MTOR: variants seen among roughly 807,000 people sequenced by gnomAD.
The protein encoded by MTOR is serine/threonine-protein kinase mTOR.
Under a neutral mutation model 319.8 loss-of-function variants are expected in MTOR, and 70 were observed. The ratio of observed to expected loss-of-function variants is 0.22; its 90% CI spans 0.18 to 0.27. The LOEUF (loss-of-function observed/expected upper bound fraction) is 0.27. Among genes scored for constraint, MTOR ranks in the 10% least tolerant of loss-of-function variants. MTOR has a pLI of 1.00. For missense variants in MTOR, 1,890 were observed against 3,274.4 expected (o/e 0.58, Z 10.32); for synonymous variants, 1,183 against 1,211.4 (o/e 0.98, Z 0.49).
At chr1:11,248,673 C>T (rs897415703) in intron 6 of MTOR, among the ~76,000 whole-genome samples, 7 of 151,890 alleles carry the variant, frequency 4.6e-5, no homozygotes, top group African/African-American at 9.7e-5. Context: ...ATTAGCTGGG[C>T]GTGGTGGTGG....
Position 11,127,072 on chromosome 1 carries a change from G to A in MTOR, c.6289C>T (p.Leu2097Phe), listed in dbSNP as rs2100401809. Residue 2097 changes from leucine (L) to phenylalanine (F), a missense_variant, in exon 45 of 58, where the codon CTC (leucine) becomes TTC (phenylalanine). Transcript: ENST00000361445. This position sits in a 1 kb window ranked among gnomAD's most constrained non-coding sequence, Gnocchi z 5.5. ...KYMKSGNVKD[L>F]TQAWDLYYHV... ...TAATAGAGGTCCCAGGCTTGGGTGAGGTCCTTGACATTCCCTGATTTCATG... is the reference window on the plus strand; with the variant it reads ...TAATAGAGGTCCCAGGCTTGGGTGAAGTCCTTGACATTCCCTGATTTCATG... The A allele has an allele frequency of 2.5e-6, 4 of 1,614,160 alleles. No individual in the cohort carries two copies. Among genetic ancestry groups the A allele is most frequent in the Non-Finnish European group, 3.4e-6 (4 of 1,180,038 alleles).
In MTOR at chr1:11,107,307, T is replaced by G. The variant is rs1557732813; in HGVS notation, c.*178A>C. On this transcript the variant is annotated 3_prime_UTR_variant, in exon 58 of 58. Coordinates refer to ENST00000361445, the MANE Select transcript of MTOR (RefSeq NM_004958.4). ...CCTTGTGTTTCTGACAATATATTCT[T>G]CAACAGCAGCTAGAAAGTTGGTTCA... 6 of 1,481,364 alleles carry G rather than the reference T, an allele frequency of 4.1e-6. No homozygotes were observed. The highest frequency in any genetic ancestry group is 4.5e-6 in the Non-Finnish European group (5 of 1,117,760). The allele number at this position is 1,481,364 out of a possible 1,614,324, so 91.8% of individuals were successfully genotyped here. A position where few individuals can be genotyped will look rare whatever the true frequency, so the allele number is the denominator to read the frequency against.
At position 11,178,327 on chromosome 1, in the gene MTOR, A is replaced by AT. The variant is rs1286995481; in HGVS notation, c.4254-10811dup. Among the ~76,000 whole-genome samples, 4 of 152,328 alleles carry AT rather than the reference A, an allele frequency of 2.6e-5. No individual in the cohort carries two copies. In the East Asian group the frequency reaches 7.7e-4, roughly 29 times the overall value. ...CCCAGGTACCTTAGCACAACCCAGA[A>AT]TAAGGCAGAGAGAGGTGCACAACCC... On this transcript the variant is annotated intron_variant, in intron 28 of 57. Coordinates refer to ENST00000361445, the MANE Select transcript of MTOR (RefSeq NM_004958.4).
At chr1:11,114,790 G>A (rs1642076945) in intron 52 of MTOR, 23 bp downstream of exon 52, 5 of 1,610,506 alleles carry the variant, frequency 3.1e-6, no homozygotes, top group Non-Finnish European at 4.2e-6. Flanking sequence ...TTTGGAAGCA[G>A]CTCGTTCCCG....
At chr1:11,140,761 G>A (rs1316689335) in intron 34 of MTOR, among the ~76,000 whole-genome samples, 2 of 152,138 alleles carry the variant, frequency 1.3e-5, no homozygotes, top group East Asian at 3.8e-4. Flanking sequence ...TGTGAATGGT[G>A]AATAACACAT....
chr1:11,220,065 G>GAAAAAAAAAAAAAAA (rs143599037), intron 19 of MTOR, among the ~76,000 whole-genome samples: 1 of 107,840 alleles, frequency 9.3e-6, no homozygotes, highest in Non-Finnish European at 1.8e-5. Context: ...AGAAAAGAAA[G>GAAAAAAAAAAAAAAA]AAAAAAAAAA....
chr1:11,164,513 T>G (rs1193310220), intron 29 of MTOR, among the ~76,000 whole-genome samples: 2 of 152,158 alleles, frequency 1.3e-5, no homozygotes, highest in African/African-American at 4.8e-5. Flanking sequence ...GATAAATTCC[T>G]GGACACATAC....
At chr1:11,123,439 G>A (rs1642648742) in intron 47 of MTOR, among the ~76,000 whole-genome samples, 1 of 139,724 alleles carries the variant, frequency 7.2e-6, no homozygotes, top group South Asian at 2.3e-4. Flanking sequence ...TGTAGAGACA[G>A]GGATTACAGG....
In MTOR at chr1:11,212,694, TAAC is replaced by T; in HGVS notation, c.3398+99_3398+101del. The T allele has an allele frequency of 8.4e-7, 1 of 1,196,636 alleles. No homozygotes were observed. The highest frequency in any genetic ancestry group is 1.2e-6 in the Non-Finnish European group (1 of 828,962). The allele number at this position is 1,196,636 out of a possible 1,614,324, so 74.1% of individuals were successfully genotyped here. A position where few individuals can be genotyped will look rare whatever the true frequency, so the allele number is the denominator to read the frequency against. ...TAGACTAAAATAATGTGAGTTGAAA[TAAC>T]AAAAAAAATAGAAAGATGGCCTGGG... is the stretch of plus-strand genomic sequence containing the variant. On this transcript the variant is annotated intron_variant, in intron 22 of 57. Coordinates refer to ENST00000361445, the MANE Select transcript of MTOR (RefSeq NM_004958.4). The surrounding 1 kb of genome is among the most constrained non-coding windows in gnomAD (Gnocchi z 4.1).
At chr1:11,228,106 T>C (rs1646904002) in intron 19 of MTOR, among the ~76,000 whole-genome samples, 1 of 152,030 alleles carries the variant, frequency 6.6e-6, no homozygotes, top group Non-Finnish European at 1.5e-5. Flanking sequence ...AGACTGATTT[T>C]CTATTTGTGG....
chr1:11,248,148 T>C, intron 6 of MTOR, 54 bp from the exon 7 acceptor site: 2 of 1,506,958 alleles, frequency 1.3e-6, no homozygotes, highest in South Asian at 1.3e-5. Flanking sequence ...GCATTCAAAC[T>C]GGGCACTGTG....
In MTOR at chr1:11,231,058, C is replaced by A; in HGVS notation, c.2650-4G>T. On this transcript the variant is annotated splice_region_variant and splice_polypyrimidine_tract_variant and intron_variant, in intron 17 of 57. Coordinates refer to ENST00000361445, the MANE Select transcript of MTOR (RefSeq NM_004958.4). ...AAAGCCCTAACACACGGATGGCCTG[C>A]GTGGGAAAGGGGAGGGAAAAAAGAA... The A allele has an allele frequency of 1.2e-6, 2 of 1,613,930 alleles. No homozygotes were observed.
chr1:11,168,249 G>A (rs1644710468), intron 28 of MTOR, among the ~76,000 whole-genome samples: 1 of 141,850 alleles, frequency 7.0e-6, no homozygotes, highest in African/African-American at 2.6e-5. Context: ...TTGCTATGTT[G>A]TCCAGGCTGG....
At chr1:11,175,093 C>T (rs1461451228) in intron 28 of MTOR, among the ~76,000 whole-genome samples, 1 of 152,302 alleles carries the variant, frequency 6.6e-6, no homozygotes, top group East Asian at 1.9e-4. Flanking sequence ...TAGTGATTCC[C>T]ACTGCCTCCC....
At position 11,106,931 on chromosome 1, in the gene MTOR, C is replaced by T. The variant is rs577974635; in HGVS notation, c.*554G>A. The T allele has an allele frequency of 1.7e-5, 23 of 1,370,066 alleles. No individual in the cohort carries two copies. The highest frequency in any genetic ancestry group is 1.1e-4 in the African/African-American group (8 of 69,862). 84.9% of individuals were successfully genotyped at this position (1,370,066 alleles called of 1,614,324 possible). A position where few individuals can be genotyped will look rare whatever the true frequency, so the allele number is the denominator to read the frequency against. Reference sequence around the variant, plus strand: ...TCACTGGGTCTGATGGAAGACAGACCTTTTGTACTCATTTTGGCCTATCTT... The same window carrying T: ...TCACTGGGTCTGATGGAAGACAGACTTTTTGTACTCATTTTGGCCTATCTT... On this transcript the variant is annotated 3_prime_UTR_variant, in exon 58 of 58. Coordinates refer to ENST00000361445, the MANE Select transcript of MTOR (RefSeq NM_004958.4).
rs2100793217 is a variant in MTOR, at chr1:11,212,427, G to A, written c.3446C>T (p.Thr1149Ile). ...VDRLTESLDF[T>I]DYASRIIHPI... ...GTGAATGATCCGGGAGGCATAGTCA[G>A]TGAAATCCAGGGACTCCGTCAGGCG... The change falls in exon 23 of 58, where the codon ACT (threonine) becomes ATT (isoleucine). Residue 1149 changes from threonine (T) to isoleucine (I), a missense_variant. This residue lies in a region of MTOR where 377 missense variants were observed against 653.9 expected (regional missense o/e 0.58). Transcript: ENST00000361445. The surrounding 1 kb of genome is among the most constrained non-coding windows in gnomAD (Gnocchi z 4.1). 6.2e-7 allele frequency: 1 copy of A among 1,614,204 alleles called. No homozygotes were observed. The highest frequency in any genetic ancestry group is 8.5e-7 in the Non-Finnish European group (1 of 1,180,034).
At chr1:11,239,063 C>T (rs1210100572) in intron 11 of MTOR, among the ~76,000 whole-genome samples, 8 of 152,022 alleles carry the variant, frequency 5.3e-5, no homozygotes, top group African/African-American at 1.2e-4. Context: ...CGTAAGCCAC[C>T]GCGCCAGGCC....
At chr1:11,161,007 C>T (rs988580107) in intron 29 of MTOR, among the ~76,000 whole-genome samples, 2 of 152,196 alleles carry the variant, frequency 1.3e-5, no homozygotes, top group African/African-American at 4.8e-5. Context: ...CCCGGAAGCA[C>T]AAGGGGTCAG....
At chr1:11,209,237 T>C (rs1646235682) in intron 25 of MTOR, 75 bp downstream of exon 25, 1 of 1,585,460 alleles carries the variant, frequency 6.3e-7, no homozygotes, top group South Asian at 1.1e-5. Context: ...TTGCCCAGTT[T>C]AAACAGTTAA....
Sources: gnomAD v4.1 joint callset for allele counts (sites outside exome capture counted in the v4.1 genomes callset) on GRCh38, gnomAD v4.1.1 for gene constraint, gnomAD v4.1.1 regional missense constraint, Gnocchi (gnomAD v3.1) non-coding constraint, MANE v1.5 for transcripts, NCBI Gene and HGNC (gene_info 2026-07-23, HGNC 2026-07-21) for gene names.